The following SLC4A4 variants were observed in gnomAD, a reference collection of about 807,000 sequenced individuals.
SLC4A4 encodes solute carrier family 4 member 4.
Under a neutral mutation model 111.5 loss-of-function variants are expected in SLC4A4, and 27 were observed. The observed-to-expected ratio is 0.24, with a 90% CI of 0.18 to 0.33. The LOEUF (loss-of-function observed/expected upper bound fraction) is 0.33, where lower values mean the gene tolerates loss of function less well. SLC4A4 is among the 10% of genes least tolerant of loss of function. The pLI is 1.00. For synonymous variants in SLC4A4, 443 were observed against 463.4 expected (o/e 0.96, Z 0.57); for missense variants, 909 against 1,315.5 (o/e 0.69, Z 4.78).
At chr4:71,354,765 C>T (rs772057218) in intron 5 of SLC4A4, among the ~76,000 whole-genome samples, 48 of 152,034 alleles carry the variant, frequency 3.2e-4, no homozygotes, top group Admixed American at 7.2e-4. Context: ...AGTCAGAAAA[C>T]CTGGTTTTAT....
intron 6 of SLC4A4, among the ~76,000 whole-genome samples, chr4:71,373,097 T>A (rs769746546): frequency 4.6e-5 from 7 of 152,228 alleles, no homozygotes; most frequent in Non-Finnish European, 1.0e-4. Context: ...CATAAAGTTT[T>A]ACTTCTTTAG....
At chr4:71,426,444 G>C (rs1577872447) in intron 7 of SLC4A4, among the ~76,000 whole-genome samples, 3 of 152,114 alleles carry the variant, frequency 2.0e-5, no homozygotes, top group Non-Finnish European at 4.4e-5. Flanking sequence ...ATGGAATAAG[G>C]GGGATGCTGC....
At chr4:71,521,415 G>T (rs1468995977) in intron 16 of SLC4A4, among the ~76,000 whole-genome samples, 1 of 151,886 alleles carries the variant, frequency 6.6e-6, no homozygotes, top group Middle Eastern at 3.2e-3. Flanking sequence ...TTTTATTTTT[G>T]TAGAGATGGG....
chr4:71,311,041 A>G (rs1388240063), intron 3 of SLC4A4, among the ~76,000 whole-genome samples: 3 of 152,210 alleles, frequency 2.0e-5, no homozygotes, highest in Admixed American at 6.5e-5. Flanking sequence ...AGGGGTTGCA[A>G]TCGTAGTCTC....
chr4:71,356,305 T>C (rs1730279512), intron 5 of SLC4A4, among the ~76,000 whole-genome samples: 1 of 151,808 alleles, frequency 6.6e-6, no homozygotes, highest in Non-Finnish European at 1.5e-5. Context: ...AAACTTTACT[T>C]TTTTTTTGGT....
At chr4:71,187,596 C>T (rs1745533037) in intron 1 of SLC4A4, among the ~76,000 whole-genome samples, 195 bp downstream of exon 1, 1 of 152,198 alleles carries the variant, frequency 6.6e-6, no homozygotes, top group African/African-American at 2.4e-5. Flanking sequence ...GAGGCTGCTT[C>T]CGCGGAAAAG....
rs1044064851 is a variant in SLC4A4 at position 71,532,998 on chromosome 4, T to C, written c.2280+823T>C. On this transcript the variant is annotated intron_variant, in intron 17 of 25. Transcript: ENST00000264485. ...AATTTACATTCCAGTCATTCCTAAA[T>C]ATATTCCTAGCTAATTTTTCACTAC... Among the ~76,000 whole-genome samples, 7 of 152,146 alleles carry C rather than the reference T, an allele frequency of 4.6e-5. No homozygotes were observed. The South Asian group carries it at 1.2e-3, about 27-fold the overall frequency.
At chr4:71,262,013 T>TA (rs1204255796) in intron 3 of SLC4A4, among the ~76,000 whole-genome samples, 1 of 152,114 alleles carries the variant, frequency 6.6e-6, no homozygotes, top group Non-Finnish European at 1.5e-5. Context: ...AAATGGGGTA[T>TA]AAATGACTGT....
At chr4:71,088,357 C>A (rs1742258853) in intron 1 of SLC4A4, among the ~76,000 whole-genome samples, 1 of 151,952 alleles carries the variant, frequency 6.6e-6, no homozygotes, top group South Asian at 2.1e-4. Flanking sequence ...ACTCTTTATC[C>A]AATTTGCCAG....
At chr4:71,326,258 G>A (rs1180298121) in intron 3 of SLC4A4, among the ~76,000 whole-genome samples, 3 of 151,950 alleles carry the variant, frequency 2.0e-5, no homozygotes, top group African/African-American at 7.2e-5. Flanking sequence ...ATACACCACC[G>A]TGACAGTCCT....
At chr4:71,476,642 C>A (rs780152774) in intron 14 of SLC4A4, among the ~76,000 whole-genome samples, 2 of 151,384 alleles carry the variant, frequency 1.3e-5, no homozygotes, top group Non-Finnish European at 3.0e-5. Flanking sequence ...TTTTTTCTTT[C>A]GTCTTCTCAC....
chr4:71,555,152 C>T lies in SLC4A4; in HGVS notation c.2707C>T (p.Pro903Ser). 1.2e-6 allele frequency: 2 copies of T among 1,608,652 alleles called. No individual in the cohort carries two copies. Among genetic ancestry groups the T allele is most frequent in the Non-Finnish European group, 8.5e-7 (1 of 1,175,852 alleles). ...MAPILKFIPM[P>S]VLYGVFLYMG... Reference sequence around the variant, plus strand: ...TTTTTCCTTCTAGTTTATACCCATGCCTGTACTCTATGGTGTGTTCCTGTA... The same window carrying T: ...TTTTTCCTTCTAGTTTATACCCATGTCTGTACTCTATGGTGTGTTCCTGTA... The change falls in exon 21 of 26, where the codon CCT becomes TCT. Residue 903 changes from proline (P) to serine (S), a missense_variant. This residue lies in a region of SLC4A4 where 104 missense variants were observed against 219.5 expected (regional missense o/e 0.47). Transcript: ENST00000264485.
chr4:71,319,958 A>T (rs1726989240), intron 3 of SLC4A4, among the ~76,000 whole-genome samples: 3 of 151,956 alleles, frequency 2.0e-5, no homozygotes, highest in Admixed American at 1.3e-4. Flanking sequence ...CTGCCACTAG[A>T]TAGGAGTGCA....
chr4:71,522,815 T>C (rs73829821), intron 16 of SLC4A4, among the ~76,000 whole-genome samples: 2,121 of 152,330 alleles, frequency 0.014, 37 homozygotes, highest in South Asian at 0.068. Context: ...TAACACCTTC[T>C]ATGCTATATT....
chr4:71,484,941 ATTG>A (rs1339299754), intron 14 of SLC4A4, among the ~76,000 whole-genome samples: 2 of 150,520 alleles, frequency 1.3e-5, no homozygotes, highest in African/African-American at 4.9e-5. Context: ...TTTGTTCCTG[ATTG>A]TTGTTAATAT....
At chr4:71,508,326 C>T (rs1430076091) in intron 16 of SLC4A4, among the ~76,000 whole-genome samples, 1 of 151,908 alleles carries the variant, frequency 6.6e-6, no homozygotes, top group Admixed American at 6.6e-5. Flanking sequence ...TAATAAAATA[C>T]ATAGGCCACT....
At chr4:71,406,642 ATTC>A (rs1050466691) in intron 7 of SLC4A4, among the ~76,000 whole-genome samples, 14 of 86,856 alleles carry the variant, frequency 1.6e-4, no homozygotes, top group Non-Finnish European at 3.1e-4. Context: ...GAAAACAATG[ATTC>A]TTTTTTTTTT....
Position 71,470,712 on chromosome 4 carries a change from T to C in SLC4A4, c.1632-1987T>C, listed in dbSNP as rs1002787745. Among the ~76,000 whole-genome samples, 3 of 152,068 alleles carry C rather than the reference T, an allele frequency of 2.0e-5. No individual in the cohort carries two copies. In the East Asian group the frequency reaches 5.8e-4, roughly 30 times the overall value. ...TATAAAGAGTTGGCTCATGCAATTA[T>C]AGAGGCTGACAAGGCTGACAGGCTG... On this transcript the variant is annotated intron_variant, in intron 13 of 25. Coordinates refer to ENST00000264485, the MANE Select transcript of SLC4A4 (RefSeq NM_001098484.3).
intron 16 of SLC4A4, among the ~76,000 whole-genome samples, chr4:71,520,778 C>T (rs1421681479): frequency 6.6e-6 from 1 of 151,758 alleles, no homozygotes; most frequent in Non-Finnish European, 1.5e-5. Context: ...ACAGCAAAGG[C>T]AAATTCAAAA....
Sources: allele counts gnomAD v4.1 joint callset (sites outside exome capture counted in the v4.1 genomes callset), GRCh38; gene constraint gnomAD v4.1.1; regional missense constraint gnomAD v4.1.1; transcripts MANE v1.5; gene names NCBI Gene and HGNC (gene_info 2026-07-23, HGNC 2026-07-21).